The following TENM1 variants were observed in gnomAD, a reference collection of about 807,000 sequenced individuals.
TENM1 encodes the protein teneurin transmembrane protein 1.
Under a neutral mutation model 174.8 loss-of-function variants are expected in TENM1, and 35 were observed. The observed-to-expected ratio is 0.20, with a 90% CI of 0.15 to 0.27. The LOEUF (loss-of-function observed/expected upper bound fraction) is 0.27. Ranked by LOEUF, TENM1 falls within the 10% of genes least tolerant of loss-of-function variation. The pLI is 1.00. For synonymous variants in TENM1, 781 were observed against 798.7 expected (o/e 0.98, Z 0.37); for missense variants, 1,633 against 2,130.1 (o/e 0.77, Z 4.59).
At chrX:124,461,312 G>C (rs1747237152) in intron 22 of TENM1, among the ~76,000 whole-genome samples, 1 of 111,891 alleles carries the variant, frequency 8.9e-6, no homozygotes, top group East Asian at 2.8e-4. Context: ...AATTAGGATA[G>C]CCACTACAAA....
chrX:124,707,664 C>T (rs1023165473), intron 4 of TENM1, among the ~76,000 whole-genome samples: 10 of 111,835 alleles, frequency 8.9e-5, no homozygotes, highest in Non-Finnish European at 1.9e-4. Context: ...ACCACAGTTC[C>T]GATAAATCTC....
intron 14 of TENM1, among the ~76,000 whole-genome samples, chrX:124,551,077 T>TAA (rs1330616347): frequency 8.9e-6 from 1 of 112,722 alleles, no homozygotes; most frequent in Non-Finnish European, 1.9e-5. Context: ...GCTCTAAGCT[T>TAA]AACGTTGCCA....
chrX:125,130,037 C>T, the TENM1 span, among the ~76,000 whole-genome samples: 1,469 of 111,593 alleles, frequency 0.013, 28 homozygotes, highest in African/African-American at 0.044. Context: ...TAACTCCTTA[C>T]AGTTGAATAG....
At position 124,731,843 on chromosome X, in the gene TENM1, T is replaced by C. The variant is rs774443565; in HGVS notation, c.776+5114A>G. 5.4e-4 allele frequency among the ~76,000 whole-genome samples: 61 copies of C among 111,939 alleles called. No homozygotes were observed. In the Admixed American group the frequency reaches 5.6e-3, roughly 10 times the overall value. On this transcript the variant is annotated intron_variant, in intron 4 of 31. Coordinates refer to ENST00000422452, the Ensembl canonical transcript of TENM1. ...GCATTTAACAAGGTCTCCCATAATA[T>C]GGCTATGAACAAGATGGAGAAATGT...
intron 5 of TENM1, among the ~76,000 whole-genome samples, chrX:124,674,863 C>T (rs887067698): frequency 9.9e-5 from 11 of 111,455 alleles, no homozygotes; most frequent in African/African-American, 3.6e-4. Context: ...TCAATTACTT[C>T]TGTGAAATTA....
the TENM1 span, among the ~76,000 whole-genome samples, chrX:125,074,309 C>T: frequency 9.2e-6 from 1 of 108,365 alleles, no homozygotes; most frequent in African/African-American, 3.4e-5. Context: ...TTTACCCTTT[C>T]GACTCCCAGG....
At chrX:125,021,356 G>A in the TENM1 span, among the ~76,000 whole-genome samples, 2 of 109,685 alleles carry the variant, frequency 1.8e-5, no homozygotes, top group African/African-American at 6.6e-5. Flanking sequence ...AGCTATACCT[G>A]CAGTTTTCTA....
At chrX:124,376,678 AT>A (rs778332709) in exon 32 of TENM1, 29 of 112,038 alleles carry the variant, frequency 2.6e-4, no homozygotes, top group Non-Finnish European at 3.8e-4. Context: ...AATAGTCACT[AT>A]TTATGGTTGA....
chrX:125,193,892 C>T, the TENM1 span, among the ~76,000 whole-genome samples: 1 of 111,112 alleles, frequency 9.0e-6, no homozygotes, highest in African/African-American at 3.3e-5. Flanking sequence ...GCAAGCAATC[C>T]TCCCACCTCA....
At chrX:125,176,690 ATC>A in the TENM1 span, among the ~76,000 whole-genome samples, 1 of 111,408 alleles carries the variant, frequency 9.0e-6, no homozygotes, top group Non-Finnish European at 1.9e-5. Context: ...TAAATATTTC[ATC>A]TGTCTGAAGG....
the TENM1 span, among the ~76,000 whole-genome samples, chrX:125,147,268 C>A: frequency 4.0e-4 from 43 of 108,780 alleles, no homozygotes; most frequent in African/African-American, 1.4e-3. Context: ...TCTTATATAT[C>A]TACATAAGTA....
chrX:124,831,691 T>C (rs2056291276), intron 3 of TENM1, among the ~76,000 whole-genome samples: 1 of 112,064 alleles, frequency 8.9e-6, no homozygotes, highest in South Asian at 3.7e-4. Context: ...TCCTGAGAAC[T>C]AATAACGTAA....
chrX:124,956,908 T>C (rs1199558107), intron 1 of TENM1, among the ~76,000 whole-genome samples: 1 of 112,441 alleles, frequency 8.9e-6, no homozygotes, highest in Non-Finnish European at 1.9e-5. Context: ...TGTCTACATA[T>C]AAGCAAACAA....
chrX:124,711,047 C>T (rs1354135450), intron 4 of TENM1, among the ~76,000 whole-genome samples: 1 of 111,879 alleles, frequency 8.9e-6, no homozygotes, highest in Non-Finnish European at 1.9e-5. Flanking sequence ...CAATTTCATA[C>T]AATTGGGTTT....
At chrX:124,475,738 C>T (rs1483602905) in intron 22 of TENM1, among the ~76,000 whole-genome samples, 2 of 111,566 alleles carry the variant, frequency 1.8e-5, no homozygotes, top group Non-Finnish European at 3.8e-5. Context: ...CTTCCATTGC[C>T]AATCTTATAC....
chrX:124,522,770 C>G (rs2047883358), intron 17 of TENM1, among the ~76,000 whole-genome samples: 1 of 109,041 alleles, frequency 9.2e-6, no homozygotes, highest in South Asian at 4.0e-4. Flanking sequence ...CTCACTGCAA[C>G]CTCCGTCTCA....
chrX:124,738,942 C>G (rs762860696), intron 3 of TENM1, among the ~76,000 whole-genome samples: 8 of 112,424 alleles, frequency 7.1e-5, no homozygotes, highest in Non-Finnish European at 1.1e-4. Context: ...TTGCAGATCT[C>G]TGTAATATGA....
At chrX:124,519,998 A>C (rs188520024) in intron 18 of TENM1, among the ~76,000 whole-genome samples, 238 of 112,170 alleles carry the variant, frequency 2.1e-3, no homozygotes, top group African/African-American at 7.5e-3. Context: ...GCTATCTATA[A>C]GATTCTAGGT....
At chrX:124,704,495 T>C (rs1005172689) in intron 5 of TENM1, among the ~76,000 whole-genome samples, 4 of 112,015 alleles carry the variant, frequency 3.6e-5, no homozygotes, top group South Asian at 3.7e-4. Flanking sequence ...CAAGACATAG[T>C]AACTAAACAA....
Sources: allele counts gnomAD v4.1 joint callset (sites outside exome capture counted in the v4.1 genomes callset), GRCh38; gene constraint gnomAD v4.1.1; transcripts MANE v1.5; gene names NCBI Gene and HGNC (gene_info 2026-07-23, HGNC 2026-07-21).